Variants in TMEM132D observed in about 807,000 individuals in gnomAD.
The protein encoded by TMEM132D is transmembrane protein 132D.
TMEM132D carries 21 observed loss-of-function variants against 62.3 expected under a neutral mutation model. The ratio of observed to expected loss-of-function variants is 0.34; its 90% CI spans 0.24 to 0.49. TMEM132D has a LOEUF of 0.49. TMEM132D is among the 20% of genes least tolerant of loss of function. The probability of loss-of-function intolerance (pLI) is 0.99; values close to 1 mark genes in which losing one functional copy is unlikely to be tolerated. For synonymous variants in TMEM132D, 621 were observed against 575.6 expected (o/e 1.08, Z -1.13); for missense variants, 1,346 against 1,402.8 (o/e 0.96, Z 0.65).
chr12:129,424,319 A>T lies in TMEM132D; in HGVS notation c.1116-86502T>A, dbSNP rs1395059065. Among the ~76,000 whole-genome samples, 6 of 152,192 alleles carry T rather than the reference A, an allele frequency of 3.9e-5. No homozygotes were observed. In the East Asian group the frequency reaches 1.2e-3, roughly 29 times the overall value. On this transcript the variant is annotated intron_variant, in intron 3 of 8. Coordinates refer to ENST00000422113, the MANE Select transcript of TMEM132D (RefSeq NM_133448.3). ...GTTCACACCAAGAATGTAGGTGGTC[A>T]CATTCTCTAGTCACGCACTCAAAAG...
chr12:129,189,447 G>A (rs568970591), intron 5 of TMEM132D, among the ~76,000 whole-genome samples: 3 of 152,116 alleles, frequency 2.0e-5, no homozygotes, highest in East Asian at 1.9e-4. Flanking sequence ...ACAACTTTGT[G>A]GGGGGTGAAG....
chr12:129,471,191 C>T (rs1224433179), intron 3 of TMEM132D, among the ~76,000 whole-genome samples: 3 of 144,158 alleles, frequency 2.1e-5, no homozygotes, highest in African/African-American at 7.7e-5. Context: ...TTCACTTTAT[C>T]GTGTTTTGTA....
intron 3 of TMEM132D, among the ~76,000 whole-genome samples, chr12:129,402,183 A>T (rs1178495638): frequency 6.6e-6 from 1 of 152,204 alleles, no homozygotes; most frequent in East Asian, 1.9e-4. Context: ...GCATGGCTAG[A>T]GAATGGCAGA....
chr12:129,501,382 C>G (rs1288026964), intron 3 of TMEM132D, among the ~76,000 whole-genome samples: 5 of 152,154 alleles, frequency 3.3e-5, no homozygotes. Context: ...AAAAAAAAAT[C>G]TGATTCTATC....
chr12:129,395,973 T>C (rs12301709), intron 3 of TMEM132D, among the ~76,000 whole-genome samples: 27,325 of 146,346 alleles, frequency 0.19, 2,911 homozygotes, highest in Non-Finnish European at 0.25. Context: ...ATATATATCA[T>C]ATAAATATAT....
intron 4 of TMEM132D, among the ~76,000 whole-genome samples, chr12:129,334,161 A>G (rs546560755): frequency 2.6e-4 from 39 of 152,132 alleles, no homozygotes; most frequent in Non-Finnish European, 4.1e-4. Flanking sequence ...TTTTTAAATA[A>G]TGTTTGCCTT....
intron 1 of TMEM132D, among the ~76,000 whole-genome samples, chr12:129,871,212 T>C (rs1197742586): frequency 6.6e-6 from 1 of 152,108 alleles, no homozygotes; most frequent in Non-Finnish European, 1.5e-5. Context: ...CATGCTCCTT[T>C]TCAAATCCCG....
chr12:129,781,073 A>C (rs1390761706), intron 1 of TMEM132D, among the ~76,000 whole-genome samples: 3 of 152,218 alleles, frequency 2.0e-5, no homozygotes, highest in Non-Finnish European at 4.4e-5. Context: ...AATGACAAGG[A>C]GTTATGCCAT....
intron 5 of TMEM132D, among the ~76,000 whole-genome samples, chr12:129,198,626 A>G (rs957671749): frequency 1.3e-5 from 2 of 152,364 alleles, no homozygotes; most frequent in African/African-American, 4.8e-5. Flanking sequence ...TCATCAAAGC[A>G]CAGAGTAAAA....
chr12:129,250,118 A>T (rs976587650), intron 4 of TMEM132D, among the ~76,000 whole-genome samples: 3 of 152,080 alleles, frequency 2.0e-5, no homozygotes, highest in African/African-American at 7.2e-5. Flanking sequence ...ACAGCAATGG[A>T]GACGTCAAGG....
intron 2 of TMEM132D, among the ~76,000 whole-genome samples, chr12:129,559,756 T>A (rs1427587941): frequency 1.3e-5 from 2 of 152,198 alleles, no homozygotes; most frequent in Non-Finnish European, 1.5e-5. Context: ...CTTGATAGAA[T>A]CTTTAATATT....
chr12:129,152,252 C>T (rs1417844957), intron 5 of TMEM132D, among the ~76,000 whole-genome samples: 1 of 152,216 alleles, frequency 6.6e-6, no homozygotes. Flanking sequence ...TTTCTCCAGA[C>T]TCCATCACAC....
At chr12:129,216,423 C>T (rs1180104275) in intron 4 of TMEM132D, among the ~76,000 whole-genome samples, 1 of 152,086 alleles carries the variant, frequency 6.6e-6, no homozygotes, top group East Asian at 1.9e-4. Flanking sequence ...TGTGGGTGTC[C>T]TTACAAGAAG....
At chr12:129,782,296 C>T (rs920357992) in intron 1 of TMEM132D, among the ~76,000 whole-genome samples, 2 of 152,120 alleles carry the variant, frequency 1.3e-5, no homozygotes. Flanking sequence ...TTCAGTTTTT[C>T]GGATCGGGAG....
intron 5 of TMEM132D, chr12:129,110,303 G>A (rs545798484): frequency 2.0e-5 from 3 of 152,220 alleles, no homozygotes; most frequent in African/African-American, 7.2e-5. Context: ...AGAGTTAGGG[G>A]CGAGGGAGGA....
At chr12:129,130,614 C>T (rs552220014) in intron 5 of TMEM132D, among the ~76,000 whole-genome samples, 7 of 152,208 alleles carry the variant, frequency 4.6e-5, no homozygotes, top group African/African-American at 1.2e-4. Flanking sequence ...GGGAGACAGA[C>T]AATAACCAGA....
chr12:129,801,041 C>T (rs558570317), intron 1 of TMEM132D, among the ~76,000 whole-genome samples: 105 of 152,340 alleles, frequency 6.9e-4, no homozygotes, highest in Admixed American at 1.5e-3. Context: ...GAGATTATAT[C>T]CCGCACCTGG....
chr12:129,422,330 G>A (rs989735384), intron 3 of TMEM132D, among the ~76,000 whole-genome samples: 6 of 152,180 alleles, frequency 3.9e-5, no homozygotes, highest in Non-Finnish European at 7.4e-5. Flanking sequence ...CACATAATAA[G>A]AAGAGAACAC....
At chr12:129,390,148 T>A (rs538447412) in intron 3 of TMEM132D, among the ~76,000 whole-genome samples, 1 of 152,340 alleles carries the variant, frequency 6.6e-6, no homozygotes, top group African/African-American at 2.4e-5. Context: ...CAGTTGCCAA[T>A]AGCTTTTCTG....
Sources: allele counts gnomAD v4.1 joint callset (sites outside exome capture counted in the v4.1 genomes callset), GRCh38; gene constraint gnomAD v4.1.1; transcripts MANE v1.5; gene names NCBI Gene and HGNC (gene_info 2026-07-23, HGNC 2026-07-21).